The following STARD4 variants were observed in gnomAD, a reference collection of about 807,000 sequenced individuals.
The protein encoded by STARD4 is stAR-related lipid transfer protein 4.
In STARD4, 33 loss-of-function variants were observed where a neutral mutation model predicts 24.9. The ratio of observed to expected loss-of-function variants is 1.32; its 90% CI spans 1.00 to 1.77. The LOEUF (loss-of-function observed/expected upper bound fraction) is 1.77. Among genes scored for constraint, STARD4 ranks in the 40% most tolerant of loss-of-function variants. The pLI, the probability that STARD4 is intolerant of heterozygous loss-of-function variation, is 0.00. For missense variants in STARD4, 238 were observed against 249.3 expected (o/e 0.95, Z 0.31); for synonymous variants, 88 against 77.4 (o/e 1.14, Z -0.72).
intron 3 of STARD4, among the ~76,000 whole-genome samples, chr5:111,502,360 T>C (rs923926955): frequency 1.3e-5 from 2 of 151,902 alleles, no homozygotes; most frequent in African/African-American, 4.8e-5. Flanking sequence ...TCCCAGCTAG[T>C]TGGGAGGCTG....
rs1293519556 is a variant in STARD4 at position 111,502,074 on chromosome 5, C to A, written c.170G>T (p.Gly57Val). The A allele has an allele frequency of 1.2e-6, 2 of 1,606,434 alleles. No individual in the cohort carries two copies. Among genetic ancestry groups the A allele is most frequent in the African/African-American group, 1.3e-5 (1 of 74,288 alleles). The change falls in exon 4 of 6, where the codon GGT becomes GTT. Residue 57 changes from glycine to valine, a missense_variant. Coordinates refer to ENST00000296632, the MANE Select transcript of STARD4 (RefSeq NM_139164.3). ...EFNGYLYKAQ[G>V]VIDDLVYSII... ...ACTATAGACAAGGTCATCTATAACA[C>A]CTTGGGCTTTGTAGCTGGAGAAAAA...
intron 1 of STARD4, among the ~76,000 whole-genome samples, chr5:111,510,200 A>C (rs1023248043): frequency 1.3e-5 from 2 of 152,206 alleles, no homozygotes; most frequent in African/African-American, 4.8e-5. Context: ...AATCATTGCC[A>C]TCAAAACTGC....
chr5:111,508,033 C>G (rs984399216), intron 1 of STARD4, among the ~76,000 whole-genome samples: 4 of 152,124 alleles, frequency 2.6e-5, no homozygotes, highest in Admixed American at 2.6e-4. Flanking sequence ...CACTGGTTTT[C>G]TTTCTGTCCC....
In STARD4 at chr5:111,498,180, A is replaced by T. The variant is rs1017510217; in HGVS notation, c.*1706T>A. 3 of 152,014 alleles carry T rather than the reference A, an allele frequency of 2.0e-5. No homozygotes were observed. Among genetic ancestry groups the T allele is most frequent in the African/African-American group, 7.2e-5 (3 of 41,420 alleles). The allele number at this position is 152,014 out of a possible 1,614,324, so 9.4% of individuals were successfully genotyped here. A position where few individuals can be genotyped will look rare whatever the true frequency, so the allele number is the denominator to read the frequency against. ...CTGCACATACATTTTAGGTGATTCA[A>T]ACATAATTTTTAAATTCATCATTCT... On this transcript the variant is annotated 3_prime_UTR_variant, in exon 6 of 6. Transcript: ENST00000296632.
chr5:111,503,615 G>A (rs991819550), intron 3 of STARD4, among the ~76,000 whole-genome samples: 4 of 152,216 alleles, frequency 2.6e-5, no homozygotes, highest in East Asian at 1.9e-4. Context: ...GCGACACAGC[G>A]AAACTCCGTC....
chr5:111,509,397 C>A (rs1306159009), intron 1 of STARD4, among the ~76,000 whole-genome samples: 1 of 152,012 alleles, frequency 6.6e-6, no homozygotes, highest in Non-Finnish European at 1.5e-5. Context: ...AAGCTAGCTA[C>A]CTAGAAGAGA....
At chr5:111,501,168 CT>C (rs1756423362) in intron 4 of STARD4, 52 bp from the exon 5 acceptor site, 1 of 1,510,890 alleles carries the variant, frequency 6.6e-7, no homozygotes, top group African/African-American at 1.4e-5. Context: ...ACATACATAG[CT>C]TCATATATCA....
intron 1 of STARD4, among the ~76,000 whole-genome samples, chr5:111,511,819 T>C (rs1046789214): frequency 1.3e-5 from 2 of 152,242 alleles, no homozygotes; most frequent in Non-Finnish European, 2.9e-5. Context: ...TTCTCAAGTG[T>C]AAATTCGGGA....
At chr5:111,509,845 A>G (rs1282823531) in intron 1 of STARD4, among the ~76,000 whole-genome samples, 1 of 152,172 alleles carries the variant, frequency 6.6e-6, no homozygotes, top group Non-Finnish European at 1.5e-5. Flanking sequence ...TTCCTTTACC[A>G]TAATGAAACA....
chr5:111,506,413 G>C (rs779775585), intron 2 of STARD4, 34 bp from the exon 3 acceptor site: 30 of 1,098,336 alleles, frequency 2.7e-5, no homozygotes, highest in Non-Finnish European at 3.9e-5. Flanking sequence ...GGTAATAATT[G>C]CATAGGTGGA....
rs534000242 is a variant in STARD4 at position 111,499,967 on chromosome 5, C to T, written c.537G>A (p.Gly179=). 6.2e-7 allele frequency: 1 copy of T among 1,614,092 alleles called. No homozygotes were observed. The highest frequency in any genetic ancestry group is 1.7e-5 in the Admixed American group (1 of 60,012). Residue 179 remains glycine, a synonymous_variant, in exon 6 of 6, where the codon GGG becomes GGA. Transcript: ENST00000296632. ...LTGYIQTDLR[G]MIPQSAVDTA... ...TATCTACCGCAGACTGAGGAATCATCCCACGCAGATCTGTCTGAATATATC... is the reference window on the plus strand; with the variant it reads ...TATCTACCGCAGACTGAGGAATCATTCCACGCAGATCTGTCTGAATATATC...
At chr5:111,509,478 CT>C (rs1410170399) in intron 1 of STARD4, among the ~76,000 whole-genome samples, 1 of 152,110 alleles carries the variant, frequency 6.6e-6, no homozygotes, top group African/African-American at 2.4e-5. Context: ...AAGCTCCTTA[CT>C]ATAGCTTACA....
chr5:111,506,278 A>G (rs1045588840), intron 3 of STARD4, 52 bp downstream of exon 3: 5 of 982,774 alleles, frequency 5.1e-6, no homozygotes, highest in African/African-American at 1.7e-5. Context: ...GACAATGGAT[A>G]TAAGTTTTGA....
At position 111,507,746 on chromosome 5, in the gene STARD4, T is replaced by A. The variant is rs998442745; in HGVS notation, c.-9-304A>T. 6.6e-6 allele frequency among the ~76,000 whole-genome samples: 1 copy of A among 152,130 alleles called. No individual in the cohort carries two copies. The highest frequency in any genetic ancestry group is 1.5e-5 in the Non-Finnish European group (1 of 67,994). On this transcript the variant is annotated intron_variant, in intron 1 of 5. Coordinates refer to ENST00000296632, the MANE Select transcript of STARD4 (RefSeq NM_139164.3). The surrounding 1 kb of genome is among the most constrained non-coding windows in gnomAD (Gnocchi z 4.4). ...AGGGGAAGCAATTGTATCTCATATATAGATATGCTGTTAACTCTCAAACAT... is the reference window on the plus strand; with the variant it reads ...AGGGGAAGCAATTGTATCTCATATAAAGATATGCTGTTAACTCTCAAACAT...
chr5:111,500,857 C>T (rs1756384429), intron 5 of STARD4, 145 bp downstream of exon 5: 1 of 1,562,936 alleles, frequency 6.4e-7, no homozygotes, highest in Non-Finnish European at 8.6e-7. Flanking sequence ...CTATTTTACT[C>T]CCTAGAGTTT....
chr5:111,509,860 T>C (rs2112575657), intron 1 of STARD4, among the ~76,000 whole-genome samples: 1 of 152,294 alleles, frequency 6.6e-6, no homozygotes, highest in South Asian at 2.1e-4. Flanking sequence ...GAAACACCAT[T>C]TCTCAAGAAG....
chr5:111,501,139 A>G, intron 4 of STARD4, 23 bp from the exon 5 acceptor site: 1 of 1,578,982 alleles, frequency 6.3e-7, no homozygotes, highest in Non-Finnish European at 8.6e-7. Flanking sequence ...AGATAAGACA[A>G]GTGTTACTAC....
rs1453167305 is a variant in STARD4 at position 111,512,535 on chromosome 5, T to C, written c.-160A>G. 1 of 152,546 alleles carries C rather than the reference T, an allele frequency of 6.6e-6. No homozygotes were observed. Among genetic ancestry groups the C allele is most frequent in the African/African-American group, 2.4e-5 (1 of 41,454 alleles). The allele number at this position is 152,546 out of a possible 1,614,324, so 9.4% of individuals were successfully genotyped here. A position where few individuals can be genotyped will look rare whatever the true frequency, so the allele number is the denominator to read the frequency against. On this transcript the variant is annotated 5_prime_UTR_variant, in exon 1 of 6. Transcript: ENST00000296632. ...TAAGTCACCGCTGGTCGCAGCCAAC[T>C]GGAAGGCACCCAGCGCCTCAGGGCA... is the stretch of plus-strand genomic sequence containing the variant.
chr5:111,508,729 T>A (rs566509648), intron 1 of STARD4, among the ~76,000 whole-genome samples: 1 of 152,294 alleles, frequency 6.6e-6, no homozygotes, highest in Non-Finnish European at 1.5e-5. Context: ...CCAAATAGTC[T>A]AATTCAGTGG....
Sources: gnomAD v4.1 joint callset for allele counts (sites outside exome capture counted in the v4.1 genomes callset) on GRCh38, gnomAD v4.1.1 for gene constraint, Gnocchi (gnomAD v3.1) non-coding constraint, MANE v1.5 for transcripts, NCBI Gene and HGNC (gene_info 2026-07-23, HGNC 2026-07-21) for gene names.